BRIP1: variants seen among roughly 807,000 people sequenced by gnomAD.
BRIP1 encodes the protein Fanconi anemia group J protein.
In BRIP1, 88 loss-of-function variants were observed where a neutral mutation model predicts 119.7. The ratio of observed to expected loss-of-function variants is 0.74; its 90% CI spans 0.62 to 0.88. BRIP1 has a LOEUF of 0.88. Ranked by LOEUF, BRIP1 falls within the 40% of genes least tolerant of loss-of-function variation. The pLI, the probability that BRIP1 is intolerant of heterozygous loss-of-function variation, is 0.00. For synonymous variants in BRIP1, 443 were observed against 496.5 expected (o/e 0.89, Z 1.43); for missense variants, 1,259 against 1,455.4 (o/e 0.87, Z 2.20).
Position 61,841,166 on chromosome 17 carries a change from A to T in BRIP1, c.627+5935T>A, listed in dbSNP as rs1443712766. The stretch of plus-strand genomic sequence containing the variant: ...CAGGACACTGATCTAGGCAGATTTT[A>T]TGGGTAAGAATTCAAAAGTACAGGC... On this transcript the variant is annotated intron_variant, in intron 6 of 19. Transcript: ENST00000259008. This position sits in a 1 kb window ranked among gnomAD's most constrained non-coding sequence, Gnocchi z 4.1. 6.6e-6 allele frequency among the ~76,000 whole-genome samples: 1 copy of T among 152,164 alleles called. No homozygotes were observed. Among genetic ancestry groups the T allele is most frequent in the Non-Finnish European group, 1.5e-5 (1 of 68,014 alleles).
chr17:61,685,125 T>C (rs971575728), intron 19 of BRIP1: 2 of 152,308 alleles, frequency 1.3e-5, no homozygotes, highest in African/African-American at 4.8e-5. Flanking sequence ...AATGTATCTG[T>C]TGCGACTACT....
intron 6 of BRIP1, among the ~76,000 whole-genome samples, chr17:61,820,363 A>G (rs1259576730): frequency 6.6e-6 from 1 of 152,216 alleles, no homozygotes; most frequent in South Asian, 2.1e-4. Flanking sequence ...CATGTTTTGA[A>G]TGGCTACACA....
chr17:61,817,720 A>G (rs965493341), intron 6 of BRIP1, among the ~76,000 whole-genome samples: 2 of 152,216 alleles, frequency 1.3e-5, no homozygotes, highest in Non-Finnish European at 2.9e-5. Context: ...TGGCTAGTGG[A>G]CAGAATACAT....
chr17:61,750,796 C>G (rs1311290870), intron 14 of BRIP1, among the ~76,000 whole-genome samples: 1 of 151,874 alleles, frequency 6.6e-6, no homozygotes, highest in Non-Finnish European at 1.5e-5. Flanking sequence ...ACAATGAAGT[C>G]CCACTTCACT....
intron 7 of BRIP1, 71 bp from the exon 8 acceptor site, chr17:61,801,545 A>C: frequency 3.7e-6 from 5 of 1,351,760 alleles, no homozygotes; most frequent in Non-Finnish European, 5.3e-6. Flanking sequence ...AGCTTATCTC[A>C]GAATTTGAGG....
rs915742718 is a variant in BRIP1, at chr17:61,807,009, A to C, written c.918+1458T>G. ...GGCCCAGCCAATGTATTTTTTACAA[A>C]TACATAATTAATTTCCCCAATAACA... is the stretch of plus-strand genomic sequence containing the variant. On this transcript the variant is annotated intron_variant, in intron 7 of 19. Transcript: ENST00000259008. The surrounding 1 kb of genome is among the most constrained non-coding windows in gnomAD (Gnocchi z 4.5). Among the ~76,000 whole-genome samples, 4 of 152,222 alleles carry C rather than the reference A, an allele frequency of 2.6e-5. No individual in the cohort carries two copies. Among genetic ancestry groups the C allele is most frequent in the African/African-American group, 7.2e-5 (3 of 41,464 alleles).
chr17:61,716,833 T>TATAATATGCTTCCATATTATTTCCAA (rs1288480824), intron 16 of BRIP1, among the ~76,000 whole-genome samples: 1 of 17,472 alleles, frequency 5.7e-5, no homozygotes, highest in African/African-American at 3.1e-4. Context: ...CACTACTGGA[T>TATAATATGCTTCCATATTATTTCCAA]TATTAGCTAT....
At position 61,717,550 on chromosome 17, in the gene BRIP1, C is replaced by T. The variant is rs2061898966; in HGVS notation, c.2380-1487G>A. Reference sequence around the variant, plus strand: ...TTTTCTTTTGTTAAAGACGGCTTTTCATTGTTTTCTGATTTGCATAGTTCT... The same window carrying T: ...TTTTCTTTTGTTAAAGACGGCTTTTTATTGTTTTCTGATTTGCATAGTTCT... On this transcript the variant is annotated intron_variant, in intron 16 of 19. Transcript: ENST00000259008. This position sits in a 1 kb window ranked among gnomAD's most constrained non-coding sequence, Gnocchi z 4.1. Among the ~76,000 whole-genome samples, 1 of 152,032 alleles carries T rather than the reference C, an allele frequency of 6.6e-6. No homozygotes were observed. Among genetic ancestry groups the T allele is most frequent in the African/African-American group, 2.4e-5 (1 of 41,422 alleles).
In BRIP1 at chr17:61,709,320, G is replaced by C. The variant is rs150064622; in HGVS notation, c.2492+6631C>G. Among the ~76,000 whole-genome samples the C allele has an allele frequency of 5.5e-3, 834 of 151,888 alleles. 4 individuals are homozygous for C. Among genetic ancestry groups the C allele is most frequent in the African/African-American group, 0.019 (802 of 41,404 alleles). ...TCCTCTCTCTCTTTGTAATATTGTA[G>C]GTTTGACATTTTCATTTCTTTATTA... On this transcript the variant is annotated intron_variant, in intron 17 of 19. Coordinates refer to ENST00000259008, the MANE Select transcript of BRIP1 (RefSeq NM_032043.3). This position sits in a 1 kb window ranked among gnomAD's most constrained non-coding sequence, Gnocchi z 5.0.
intron 9 of BRIP1, among the ~76,000 whole-genome samples, chr17:61,797,070 A>T (rs1321683939): frequency 6.6e-6 from 1 of 152,062 alleles, no homozygotes; most frequent in Non-Finnish European, 1.5e-5. Flanking sequence ...TTGATATACA[A>T]AAAGAGCTAT....
rs570554766 is a variant in BRIP1 at position 61,800,244 on chromosome 17, C to G, written c.1141-945G>C. 2.0e-5 allele frequency among the ~76,000 whole-genome samples: 3 copies of G among 152,162 alleles called. No individual in the cohort carries two copies. The East Asian group carries it at 5.8e-4, about 29-fold the overall frequency. ...AAAGAGTACTGACTAATACAAGGAA[C>G]TGTCACAAAGCAATTGTCAATGAGT... On this transcript the variant is annotated intron_variant, in intron 8 of 19. Transcript: ENST00000259008.
Position 61,789,882 on chromosome 17 carries a change from A to C in BRIP1, c.1473+3715T>G, listed in dbSNP as rs983347646. The stretch of plus-strand genomic sequence containing the variant: ...CACAATGTTCATCTTTGAGTTTATG[A>C]GTCATTTTTCTTTGTGCCATTCTGT... On this transcript the variant is annotated intron_variant, in intron 10 of 19. Transcript: ENST00000259008. This position sits in a 1 kb window ranked among gnomAD's most constrained non-coding sequence, Gnocchi z 4.8. Among the ~76,000 whole-genome samples the C allele has an allele frequency of 6.6e-6, 1 of 152,168 alleles. No homozygotes were observed. The highest frequency in any genetic ancestry group is 2.4e-5 in the African/African-American group (1 of 41,440).
At chr17:61,771,890 A>G (rs1476254603) in intron 14 of BRIP1, among the ~76,000 whole-genome samples, 1 of 152,040 alleles carries the variant, frequency 6.6e-6, no homozygotes, top group Non-Finnish European at 1.5e-5. Flanking sequence ...GGAACCTGGA[A>G]AGCGGAGGTT....
intron 10 of BRIP1, among the ~76,000 whole-genome samples, chr17:61,788,722 G>A (rs968847537): frequency 2.0e-5 from 3 of 152,112 alleles, no homozygotes; most frequent in East Asian, 1.9e-4. Flanking sequence ...TCAGGAGGCC[G>A]AGGTGGGAGG....
At chr17:61,791,816 T>C (rs1274924698) in intron 10 of BRIP1, among the ~76,000 whole-genome samples, 1 of 152,052 alleles carries the variant, frequency 6.6e-6, no homozygotes, top group Non-Finnish European at 1.5e-5. Context: ...ATGTGGCACA[T>C]ATATATATAA....
intron 6 of BRIP1, among the ~76,000 whole-genome samples, chr17:61,811,382 C>T (rs1330270585): frequency 6.6e-6 from 1 of 151,766 alleles, no homozygotes; most frequent in East Asian, 2.0e-4. Flanking sequence ...CACCACCACG[C>T]CTGGCTAATG....
chr17:61,815,469 T>C lies in BRIP1; in HGVS notation c.628-6712A>G, dbSNP rs893235713. ...TAACCAAATTAGCCAGACATAGTTA[T>C]TCTGTAAAGGAATAAACAACAGCCA... On this transcript the variant is annotated intron_variant, in intron 6 of 19. Coordinates refer to ENST00000259008, the MANE Select transcript of BRIP1 (RefSeq NM_032043.3). The surrounding 1 kb of genome is among the most constrained non-coding windows in gnomAD (Gnocchi z 4.1). Among the ~76,000 whole-genome samples the C allele has an allele frequency of 6.6e-6, 1 of 152,188 alleles. No individual in the cohort carries two copies. Among genetic ancestry groups the C allele is most frequent in the Non-Finnish European group, 1.5e-5 (1 of 68,018 alleles).
rs565025055 is a variant in BRIP1, at chr17:61,704,974, A to G, written c.2492+10977T>C. Among the ~76,000 whole-genome samples the G allele has an allele frequency of 3.3e-5, 5 of 151,990 alleles. No homozygotes were observed. The highest frequency in any genetic ancestry group is 7.4e-5 in the Non-Finnish European group (5 of 67,966). ...TTTTAGATTCCAGGAGTACATGTGC[A>G]GGTTTGTTACAAAGGTATATTGCAT... On this transcript the variant is annotated intron_variant, in intron 17 of 19. Coordinates refer to ENST00000259008, the MANE Select transcript of BRIP1 (RefSeq NM_032043.3). This position sits in a 1 kb window ranked among gnomAD's most constrained non-coding sequence, Gnocchi z 5.7.
At position 61,841,677 on chromosome 17, in the gene BRIP1, C is replaced by A. The variant is rs554863797; in HGVS notation, c.627+5424G>T. Among the ~76,000 whole-genome samples the A allele has an allele frequency of 6.6e-6, 1 of 152,222 alleles. No individual in the cohort carries two copies. Among genetic ancestry groups the A allele is most frequent in the South Asian group, 2.1e-4 (1 of 4,814 alleles). The stretch of plus-strand genomic sequence containing the variant: ...CCTAAAAATATTACTACCATATAAT[C>A]ATATAATCCAGCAATCCTACTACTA... On this transcript the variant is annotated intron_variant, in intron 6 of 19. Coordinates refer to ENST00000259008, the MANE Select transcript of BRIP1 (RefSeq NM_032043.3). This position sits in a 1 kb window ranked among gnomAD's most constrained non-coding sequence, Gnocchi z 4.1.
Sources: gnomAD v4.1 joint callset for allele counts (sites outside exome capture counted in the v4.1 genomes callset) on GRCh38, gnomAD v4.1.1 for gene constraint, Gnocchi (gnomAD v3.1) non-coding constraint, MANE v1.5 for transcripts, NCBI Gene and HGNC (gene_info 2026-07-23, HGNC 2026-07-21) for gene names.